The following TBC1D19 variants were observed in gnomAD, a reference collection of about 807,000 sequenced individuals.
TBC1D19 encodes TBC1 domain family member 19, also known as TBC1 domain family, member 19.
Under a neutral mutation model 89.0 loss-of-function variants are expected in TBC1D19, and 60 were observed. That is an observed-to-expected ratio of 0.67 (90% confidence interval 0.55 to 0.84). The LOEUF (loss-of-function observed/expected upper bound fraction) is 0.84. Ranked by LOEUF, TBC1D19 falls within the 40% of genes least tolerant of loss-of-function variation. The pLI is 0.00. For missense variants in TBC1D19, 500 were observed against 610.8 expected (o/e 0.82, Z 1.91); for synonymous variants, 189 against 199.7 (o/e 0.95, Z 0.45).
At chr4:26,778,455 G>T in the TBC1D19 span, among the ~76,000 whole-genome samples, 1 of 141,598 alleles carries the variant, frequency 7.1e-6, no homozygotes, top group Non-Finnish European at 1.5e-5. Flanking sequence ...GAGGGAAGGG[G>T]GAAGGGAAGG....
intron 13 of TBC1D19, among the ~76,000 whole-genome samples, chr4:26,690,750 A>G (rs1714203416): frequency 6.6e-6 from 1 of 152,250 alleles, no homozygotes; most frequent in African/African-American, 2.4e-5. Context: ...TTCACAATGC[A>G]CATATTCACC....
chr4:26,611,759 T>C (rs1741392781), intron 1 of TBC1D19, among the ~76,000 whole-genome samples: 1 of 152,120 alleles, frequency 6.6e-6, no homozygotes, highest in South Asian at 2.1e-4. Flanking sequence ...ATAGTGCCAA[T>C]AGGAAAGGCA....
the TBC1D19 span, among the ~76,000 whole-genome samples, chr4:26,836,852 T>G: frequency 7.9e-3 from 1,199 of 152,344 alleles, 13 homozygotes; most frequent in African/African-American, 0.027. Context: ...TAGCTATGGC[T>G]TCTTTTCTTG....
In TBC1D19 at chr4:26,584,301, G is replaced by A. The variant is rs1474378681; in HGVS notation, c.99+9G>A. ...TGGAACGGCAGGCCTGGGTAAGTGA[G>A]GCCGAGTGGGAAGGGATGCAGACGG... On this transcript the variant is annotated intron_variant, in intron 1 of 20. Transcript: ENST00000264866. The A allele has an allele frequency of 6.2e-7, 1 of 1,603,608 alleles. No homozygotes were observed. Among genetic ancestry groups the A allele is most frequent in the Non-Finnish European group, 8.5e-7 (1 of 1,175,766 alleles).
At chr4:26,588,566 G>T (rs1240004566) in intron 1 of TBC1D19, among the ~76,000 whole-genome samples, 1 of 151,696 alleles carries the variant, frequency 6.6e-6, no homozygotes, top group East Asian at 1.9e-4. Flanking sequence ...TTCTTTCTAT[G>T]TACTGGTTTA....
the TBC1D19 span, among the ~76,000 whole-genome samples, chr4:26,784,332 G>A: frequency 6.6e-6 from 1 of 152,096 alleles, no homozygotes; most frequent in Non-Finnish European, 1.5e-5. Context: ...TTGGAGACTG[G>A]GTCTTTACTA....
the TBC1D19 span, among the ~76,000 whole-genome samples, chr4:26,769,754 C>T: frequency 1.3e-5 from 2 of 151,808 alleles, no homozygotes; most frequent in African/African-American, 4.8e-5. Context: ...CACCATGTTG[C>T]CCAGGCTGGT....
chr4:26,643,846 C>G (rs1641560), intron 7 of TBC1D19, among the ~76,000 whole-genome samples: 133,017 of 152,144 alleles, frequency 0.87, 60,796 homozygotes, highest in Non-Finnish European at 1. Flanking sequence ...ATAAATTCCT[C>G]GACACATACG....
At chr4:26,679,355 G>C (rs1713128669) in intron 11 of TBC1D19, among the ~76,000 whole-genome samples, 1 of 152,182 alleles carries the variant, frequency 6.6e-6, no homozygotes, top group Non-Finnish European at 1.5e-5. Flanking sequence ...TGCTTCAGAG[G>C]GTGCAAGCTC....
At chr4:26,729,216 C>T (rs1717508141) in intron 15 of TBC1D19, among the ~76,000 whole-genome samples, 1 of 152,182 alleles carries the variant, frequency 6.6e-6, no homozygotes, top group South Asian at 2.1e-4. Flanking sequence ...TGATGACGTT[C>T]CTAAGGTTAC....
chr4:26,811,549 A>G, the TBC1D19 span, among the ~76,000 whole-genome samples: 1 of 152,236 alleles, frequency 6.6e-6, no homozygotes, highest in Non-Finnish European at 1.5e-5. Flanking sequence ...AGACCCCTAG[A>G]GAGGGTTCTT....
the TBC1D19 span, among the ~76,000 whole-genome samples, chr4:26,765,153 C>G: frequency 6.6e-6 from 1 of 152,054 alleles, no homozygotes; most frequent in Admixed American, 6.6e-5. Flanking sequence ...TAGGCGACAG[C>G]AGGATGGAGG....
intron 16 of TBC1D19, among the ~76,000 whole-genome samples, chr4:26,737,695 C>A (rs914994680): frequency 6.6e-6 from 1 of 152,066 alleles, no homozygotes; most frequent in Non-Finnish European, 1.5e-5. Context: ...TTACCAGCAA[C>A]CACTTATTTA....
the TBC1D19 span, among the ~76,000 whole-genome samples, chr4:26,845,781 G>A: frequency 2.6e-5 from 4 of 152,198 alleles, no homozygotes; most frequent in Non-Finnish European, 5.9e-5. Flanking sequence ...GGCAAGAGGA[G>A]AATGAGGACC....
intron 1 of TBC1D19, among the ~76,000 whole-genome samples, chr4:26,591,451 G>C (rs889175050): frequency 3.3e-5 from 5 of 151,990 alleles, no homozygotes; most frequent in Admixed American, 3.3e-4. Context: ...AATTCCCCTT[G>C]AGAAAGAGAA....
At chr4:26,620,556 GTA>G in intron 3 of TBC1D19, 55 bp from the exon 4 acceptor site, 3 of 1,426,218 alleles carry the variant, frequency 2.1e-6, no homozygotes, top group Non-Finnish European at 3.0e-6. Context: ...ACAGAGGTAA[GTA>G]ATATCTAACC....
At chr4:26,689,395 G>A (rs781203561) in intron 13 of TBC1D19, among the ~76,000 whole-genome samples, 2 of 152,066 alleles carry the variant, frequency 1.3e-5, no homozygotes, top group Non-Finnish European at 2.9e-5. Flanking sequence ...TAGCTAATAT[G>A]TAGCCCTGTA....
the TBC1D19 span, among the ~76,000 whole-genome samples, chr4:26,811,495 AAGAGT>A: frequency 0.46 from 69,397 of 151,802 alleles, 17,162 homozygotes; most frequent in African/African-American, 0.65. Flanking sequence ...GAGCATGGAG[AAGAGT>A]AGTCCAGAGA....
the TBC1D19 span, among the ~76,000 whole-genome samples, chr4:26,804,092 CAAAA>C: frequency 0.013 from 1,749 of 138,740 alleles, 13 homozygotes; most frequent in Middle Eastern, 0.032. Context: ...GAAACAGAAA[CAAAA>C]AAAAAAAGCC....
Sources: allele counts gnomAD v4.1 joint callset (sites outside exome capture counted in the v4.1 genomes callset), GRCh38; gene constraint gnomAD v4.1.1; transcripts MANE v1.5; gene names NCBI Gene and HGNC (gene_info 2026-07-23, HGNC 2026-07-21).